Variants in HARBI1 observed in about 807,000 individuals in gnomAD.
HARBI1 encodes harbinger transposase derived 1.
A neutral mutation model predicts 25.3 loss-of-function variants in HARBI1; 15 were observed. The ratio of observed to expected loss-of-function variants is 0.59; its 90% CI spans 0.40 to 0.91. The LOEUF (loss-of-function observed/expected upper bound fraction) is 0.91, where lower values mean the gene tolerates loss of function less well. Ranked by LOEUF, HARBI1 falls within the 40% of genes least tolerant of loss-of-function variation. The pLI is 0.00. For synonymous variants in HARBI1, 168 were observed against 160.5 expected, an observed-to-expected ratio of 1.05 and a Z score of -0.35; for missense variants, 396 against 445.8, an observed-to-expected ratio of 0.89 and a Z score of 1.01.
chr11:46,610,823 A>C (rs563401872), intron 2 of HARBI1, among the ~76,000 whole-genome samples: 6 of 152,104 alleles, frequency 3.9e-5, no homozygotes, highest in Non-Finnish European at 8.8e-5. Flanking sequence ...CTTTAAAGCC[A>C]TAATTCCAAC....
At chr11:46,604,860 T>C (rs897365615) in intron 2 of HARBI1, among the ~76,000 whole-genome samples, 3 of 152,092 alleles carry the variant, frequency 2.0e-5, no homozygotes, top group Non-Finnish European at 4.4e-5. Flanking sequence ...AATTCAGAAG[T>C]CAATTAAAAA....
At position 46,616,249 on chromosome 11, in the gene HARBI1, A is replaced by C. The variant is rs1172451613; in HGVS notation, c.-12T>G. ...ATTGGTATAGCCATGGTAAATGTGAATGTTGGCTCTCCTCTTTGCTTTTTC... is the reference window on the plus strand; with the variant it reads ...ATTGGTATAGCCATGGTAAATGTGACTGTTGGCTCTCCTCTTTGCTTTTTC... On this transcript the variant is annotated 5_prime_UTR_variant, in exon 2 of 3. Coordinates refer to ENST00000326737, the MANE Select transcript of HARBI1 (RefSeq NM_173811.4). 1 of 1,593,156 alleles carries C rather than the reference A, an allele frequency of 6.3e-7. No homozygotes were observed. Among genetic ancestry groups the C allele is most frequent in the African/African-American group, 1.3e-5 (1 of 74,610 alleles).
chr11:46,616,416 A>G (rs1181382890), intron 1 of HARBI1, 35 bp from the exon 2 acceptor site: 1 of 1,416,720 alleles, frequency 7.1e-7, no homozygotes, highest in African/African-American at 1.4e-5. Context: ...TTAGGAACCT[A>G]CCAAAGACTT....
intron 2 of HARBI1, among the ~76,000 whole-genome samples, chr11:46,610,213 G>A (rs1021114965): frequency 3.3e-5 from 5 of 151,944 alleles, no homozygotes; most frequent in South Asian, 2.1e-4. Context: ...CCAACTACTC[G>A]GTAGACTGAT....
At position 46,616,362 on chromosome 11, in the gene HARBI1, T is replaced by C. The variant is rs1591272073; in HGVS notation, c.-125A>G. 6.8e-7 allele frequency: 1 copy of C among 1,466,652 alleles called. No individual in the cohort carries two copies. Among genetic ancestry groups the C allele is most frequent in the South Asian group, 1.4e-5 (1 of 69,250 alleles). 90.9% of individuals were successfully genotyped at this position (1,466,652 alleles called of 1,614,324 possible). A position where few individuals can be genotyped will look rare whatever the true frequency, so the allele number is the denominator to read the frequency against. ...ACAGCTAACCACAGTTAAATGGCTC[T>C]GCCATTTATAATCTTCTCTCTGTAA... On this transcript the variant is annotated 5_prime_UTR_variant, in exon 2 of 3. Transcript: ENST00000326737.
intron 2 of HARBI1, among the ~76,000 whole-genome samples, chr11:46,611,953 G>A (rs935251176): frequency 6.6e-5 from 10 of 152,096 alleles, no homozygotes; most frequent in African/African-American, 2.2e-4. Flanking sequence ...AAAATAGTAC[G>A]GAGAAGCAAC....
At chr11:46,615,497 G>A (rs2045344706) in intron 2 of HARBI1, 71 bp downstream of exon 2, 3 of 1,320,692 alleles carry the variant, frequency 2.3e-6, no homozygotes, top group Non-Finnish European at 3.2e-6. Context: ...GGTTGTGTGA[G>A]CCACCGCCCC....
chr11:46,604,549 G>T (rs2044866487), intron 2 of HARBI1: 1 of 985,010 alleles, frequency 1.0e-6, no homozygotes, highest in Non-Finnish European at 1.2e-6. Context: ...AGAGAATTCT[G>T]CCAAGAGATC....
chr11:46,608,764 C>G (rs574818812), intron 2 of HARBI1, among the ~76,000 whole-genome samples: 17 of 146,762 alleles, frequency 1.2e-4, no homozygotes, highest in Non-Finnish European at 2.6e-4. Flanking sequence ...TACAGGCATG[C>G]GCCACCAGGC....
In HARBI1 at chr11:46,615,579, C is replaced by T. The variant is rs752467095; in HGVS notation, c.659G>A (p.Ser220Asn). 1 of 1,611,646 alleles carries T rather than the reference C, an allele frequency of 6.2e-7. No individual in the cohort carries two copies. Among genetic ancestry groups the T allele is most frequent in the Non-Finnish European group, 8.5e-7 (1 of 1,178,236 alleles). The part of the protein sequence containing the change: ...SQFEAGMHKD[S>N]WLLGDSSFFL... ...ACTTGCAAACTTACCCAGAAGCCAGCTATCTTTGTGCATACCCGCTTCAAA... is the reference window on the plus strand; with the variant it reads ...ACTTGCAAACTTACCCAGAAGCCAGTTATCTTTGTGCATACCCGCTTCAAA... Residue 220 changes from serine to asparagine, a missense_variant, in exon 2 of 3, where the codon AGC (serine) becomes AAC (asparagine). Transcript: ENST00000326737.
intron 2 of HARBI1, among the ~76,000 whole-genome samples, chr11:46,609,237 T>G (rs887892043): frequency 6.6e-6 from 1 of 152,192 alleles, no homozygotes. Flanking sequence ...AATTTTTGTA[T>G]TTTTAGTAGA....
At chr11:46,611,208 T>C (rs1489927065) in intron 2 of HARBI1, among the ~76,000 whole-genome samples, 5 of 151,970 alleles carry the variant, frequency 3.3e-5, no homozygotes, top group Non-Finnish European at 7.4e-5. Flanking sequence ...GAGGTTTCAC[T>C]GTGTTAGCCA....
At chr11:46,615,115 TTGGTCAGGC>T (rs2045327475) in intron 2 of HARBI1, among the ~76,000 whole-genome samples, 1 of 152,052 alleles carries the variant, frequency 6.6e-6, no homozygotes, top group Admixed American at 6.6e-5. Flanking sequence ...TTTCTCCATG[TTGGTCAGGC>T]TGGTCTTAAA....
intron 2 of HARBI1, among the ~76,000 whole-genome samples, chr11:46,614,965 T>C (rs996924469): frequency 6.6e-6 from 1 of 152,162 alleles, no homozygotes; most frequent in African/African-American, 2.4e-5. Flanking sequence ...CAGGCTAGAG[T>C]GCACTGGCGC....
Position 46,604,246 on chromosome 11 carries a change from C to T in HARBI1, c.671-337G>A, listed in dbSNP as rs118039365. The T allele has an allele frequency of 5.4e-4, 527 of 983,912 alleles. 2 individuals are homozygous for T. In the East Asian group the frequency reaches 0.028, roughly 53 times the overall value. 60.9% of individuals were successfully genotyped at this position (983,912 alleles called of 1,614,324 possible). Reference sequence around the variant, plus strand: ...GCATTTGGCCGGGCATGGTGACTCACGCCTGTAATGACAGCACTTTGGGAG... The same window carrying T: ...GCATTTGGCCGGGCATGGTGACTCATGCCTGTAATGACAGCACTTTGGGAG... On this transcript the variant is annotated intron_variant, in intron 2 of 2. Transcript: ENST00000326737.
intron 2 of HARBI1, among the ~76,000 whole-genome samples, chr11:46,608,945 CAA>C (rs1280743129): frequency 1.4e-5 from 2 of 140,910 alleles, no homozygotes; most frequent in African/African-American, 5.4e-5. Flanking sequence ...TTTTTTGAGG[CAA>C]AGTCTCGCTC....
intron 2 of HARBI1, chr11:46,604,178 A>G: frequency 1.0e-6 from 1 of 985,386 alleles, no homozygotes; most frequent in Non-Finnish European, 1.2e-6. Context: ...AATATGAAAG[A>G]ATGTAGGAAG....
intron 2 of HARBI1, among the ~76,000 whole-genome samples, chr11:46,612,127 A>G (rs1392604776): frequency 6.6e-6 from 1 of 152,186 alleles, no homozygotes; most frequent in Non-Finnish European, 1.5e-5. Flanking sequence ...CACAACAAGC[A>G]CTGTGCAATG....
In HARBI1 at chr11:46,617,193, CCGGCGACTGCA is replaced by C. The variant is rs1202599067; in HGVS notation, c.-225_-215del. 4 of 177,250 alleles carry C rather than the reference CCGGCGACTGCA, an allele frequency of 2.3e-5. No individual in the cohort carries two copies. The highest frequency in any genetic ancestry group is 9.5e-5 in the African/African-American group (4 of 41,916). 11.0% of individuals were successfully genotyped at this position (177,250 alleles called of 1,614,324 possible). A position where few individuals can be genotyped will look rare whatever the true frequency, so the allele number is the denominator to read the frequency against. On this transcript the variant is annotated 5_prime_UTR_variant, in exon 1 of 3. Transcript: ENST00000326737. ...AGCCGGGTTGGGCCCTCCTCCGGAACCGGCGACTGCACAGAGGCCGCCACGGCGCGCAACAG... is the reference window on the plus strand; with the variant it reads ...AGCCGGGTTGGGCCCTCCTCCGGAACCAGAGGCCGCCACGGCGCGCAACAG...
Sources: gnomAD v4.1 joint callset for allele counts (sites outside exome capture counted in the v4.1 genomes callset) on GRCh38, gnomAD v4.1.1 for gene constraint, MANE v1.5 for transcripts, NCBI Gene and HGNC (gene_info 2026-07-23, HGNC 2026-07-21) for gene names.